The following NAA50 variants were observed in gnomAD, a reference collection of about 807,000 sequenced individuals.
NAA50 encodes N-alpha-acetyltransferase 50, NatE catalytic subunit, also known as N-alpha-acetyltransferase 50.
A neutral mutation model predicts 20.7 loss-of-function variants in NAA50; 7 were observed. The ratio of observed to expected loss-of-function variants is 0.34; its 90% CI spans 0.19 to 0.63. The LOEUF (loss-of-function observed/expected upper bound fraction) is 0.63. NAA50 is among the 30% of genes least tolerant of loss of function. NAA50 has a pLI of 0.75. For missense variants in NAA50, 111 were observed against 199.1 expected, an observed-to-expected ratio of 0.56 and a Z score of 2.66; for synonymous variants, 54 against 70.6, an observed-to-expected ratio of 0.77 and a Z score of 1.18.
At chr3:113,741,021 C>G (rs1404088778) in intron 1 of NAA50, 2 of 484,756 alleles carry the variant, frequency 4.1e-6, no homozygotes, top group Non-Finnish European at 8.3e-6. Flanking sequence ...TTAACAGTTA[C>G]TTTTCTAATC....
intron 1 of NAA50, among the ~76,000 whole-genome samples, chr3:113,739,015 C>A (rs762473390): frequency 2.0e-5 from 3 of 152,080 alleles, no homozygotes; most frequent in Non-Finnish European, 2.9e-5. Context: ...AAGTTATAAA[C>A]AACTTACGTC....
intron 1 of NAA50, among the ~76,000 whole-genome samples, chr3:113,745,518 A>G (rs1211558956): frequency 6.6e-6 from 1 of 152,174 alleles, no homozygotes; most frequent in Admixed American, 6.5e-5. Flanking sequence ...ATTAAACTGA[A>G]AGGTGTCAAA....
intron 3 of NAA50, among the ~76,000 whole-genome samples, 192 bp from the exon 4 acceptor site, chr3:113,723,164 A>G (rs1453750548): frequency 1.3e-5 from 2 of 152,152 alleles, no homozygotes; most frequent in Non-Finnish European, 2.9e-5. Context: ...TTAGCAGAAG[A>G]CTAACCTTTT....
rs754067356 is a variant in NAA50 at position 113,718,857 on chromosome 3, T to C, written c.*2903A>G. The C allele has an allele frequency of 6.6e-6, 1 of 152,638 alleles. No individual in the cohort carries two copies. Among genetic ancestry groups the C allele is most frequent in the Admixed American group, 6.5e-5 (1 of 15,278 alleles). The allele number at this position is 152,638 out of a possible 1,614,324, so 9.5% of individuals were successfully genotyped here. ...TGCCTTAATTACACTTGGCCTATTT[T>C]AATGATTTTAAAATTAGATCTTAAA... On this transcript the variant is annotated 3_prime_UTR_variant, in exon 5 of 5. Transcript: ENST00000240922.
chr3:113,734,038 GTTGA>G (rs1708306760), intron 1 of NAA50, among the ~76,000 whole-genome samples: 1 of 152,078 alleles, frequency 6.6e-6, no homozygotes, highest in South Asian at 2.1e-4. Flanking sequence ...ACTTACTGTA[GTTGA>G]TTGATGGGGC....
At chr3:113,724,709 T>A (rs1708179244) in intron 1 of NAA50, 1 of 152,222 alleles carries the variant, frequency 6.6e-6, no homozygotes. Context: ...GGTTTGGCTG[T>A]GTCCCCATCC....
chr3:113,737,929 G>C (rs1708367740), intron 1 of NAA50, among the ~76,000 whole-genome samples: 1 of 152,142 alleles, frequency 6.6e-6, no homozygotes. Context: ...AAGGGGCTGG[G>C]CATGGTAGCT....
At chr3:113,743,243 G>T (rs1708441558) in intron 1 of NAA50, among the ~76,000 whole-genome samples, 1 of 152,208 alleles carries the variant, frequency 6.6e-6, no homozygotes, top group African/African-American at 2.4e-5. Flanking sequence ...AGGCAACATA[G>T]GCAACAGTGT....
At chr3:113,743,838 C>T (rs1246356725) in intron 1 of NAA50, among the ~76,000 whole-genome samples, 1 of 152,204 alleles carries the variant, frequency 6.6e-6, no homozygotes, top group Non-Finnish European at 1.5e-5. Flanking sequence ...CATCAGGTTA[C>T]ATGTAAATAC....
intron 1 of NAA50, among the ~76,000 whole-genome samples, chr3:113,733,182 T>C (rs1708292606): frequency 6.6e-6 from 1 of 152,220 alleles, no homozygotes; most frequent in South Asian, 2.1e-4. Flanking sequence ...ATACAAGTCC[T>C]TTATCAGACA....
In NAA50 at chr3:113,719,960, A is replaced by C. The variant is rs7648784; in HGVS notation, c.*1800T>G. On this transcript the variant is annotated 3_prime_UTR_variant, in exon 5 of 5. Coordinates refer to ENST00000240922, the MANE Select transcript of NAA50 (RefSeq NM_025146.4). ...TCTTCTCTTGCCAAGAGCAAGCTGA[A>C]GCTTATTCATGAAGATAAAGGTGCT... 6.4e-3 allele frequency: 980 copies of C among 152,750 alleles called. 2 individuals are homozygous for C. The highest frequency in any genetic ancestry group is 9.5e-3 in the Non-Finnish European group (643 of 68,018). The allele number at this position is 152,750 out of a possible 1,614,324, so 9.5% of individuals were successfully genotyped here.
chr3:113,729,488 G>C (rs542396906), intron 1 of NAA50, among the ~76,000 whole-genome samples: 1 of 151,506 alleles, frequency 6.6e-6, no homozygotes, highest in African/African-American at 2.4e-5. Context: ...CCTTTTTGCT[G>C]GCAATACTCC....
intron 1 of NAA50, among the ~76,000 whole-genome samples, chr3:113,726,011 T>C (rs1559738145): frequency 6.6e-6 from 1 of 152,176 alleles, no homozygotes; most frequent in Non-Finnish European, 1.5e-5. Flanking sequence ...ATCGTTTCTG[T>C]CATACTTAGC....
At chr3:113,723,825 C>A in intron 2 of NAA50, 134 bp downstream of exon 2, 1 of 1,050,722 alleles carries the variant, frequency 9.5e-7, no homozygotes. Context: ...TTCTCACAAC[C>A]TAGACCACTC....
intron 4 of NAA50, 51 bp from the exon 5 acceptor site, chr3:113,721,988 A>G (rs555093170): frequency 6.5e-7 from 1 of 1,533,530 alleles, no homozygotes; most frequent in East Asian, 2.3e-5. Flanking sequence ...GGTTTCATCA[A>G]GTTTTAAGCA....
intron 1 of NAA50, among the ~76,000 whole-genome samples, chr3:113,733,698 C>G (rs1463651967): frequency 6.6e-6 from 1 of 150,956 alleles, no homozygotes; most frequent in African/African-American, 2.4e-5. Context: ...CTAAAAGTAC[C>G]AAAAATTAGC....
chr3:113,723,029 T>C, intron 3 of NAA50, 57 bp from the exon 4 acceptor site: 6 of 1,464,610 alleles, frequency 4.1e-6, no homozygotes, highest in South Asian at 1.3e-5. Context: ...TTAAATTATG[T>C]ATCTATCCAC....
intron 1 of NAA50, among the ~76,000 whole-genome samples, chr3:113,734,036 T>C (rs1170902909): frequency 1.3e-5 from 2 of 152,158 alleles, no homozygotes; most frequent in Non-Finnish European, 2.9e-5. Context: ...CTACTTACTG[T>C]AGTTGATTGA....
chr3:113,740,966 G>T, intron 1 of NAA50: 3 of 513,800 alleles, frequency 5.8e-6, no homozygotes, highest in South Asian at 4.6e-5. Flanking sequence ...GAACTTTACC[G>T]ATGTTATCAA....
Sources: allele counts gnomAD v4.1 joint callset (sites outside exome capture counted in the v4.1 genomes callset), GRCh38; gene constraint gnomAD v4.1.1; transcripts MANE v1.5; gene names NCBI Gene and HGNC (gene_info 2026-07-23, HGNC 2026-07-21).